PCDH11X: variants seen among roughly 807,000 people sequenced by gnomAD.
PCDH11X encodes the protein protocadherin-11 X-linked.
PCDH11X carries 18 observed loss-of-function variants against 53.3 expected under a neutral mutation model. That is an observed-to-expected ratio of 0.34 (90% confidence interval 0.23 to 0.50). PCDH11X has a LOEUF of 0.50. PCDH11X is among the 20% of genes least tolerant of loss of function. The pLI is 0.98. For synonymous variants in PCDH11X, 279 were observed against 393.3 expected (o/e 0.71, Z 3.44); for missense variants, 570 against 1,032.4 (o/e 0.55, Z 6.14).
At chrX:91,846,632 GAAAA>G (rs1937685922) in intron 5 of PCDH11X, among the ~76,000 whole-genome samples, 1 of 108,684 alleles carries the variant, frequency 9.2e-6, no homozygotes, top group Admixed American at 9.8e-5. Flanking sequence ...AAAAAAAAAA[GAAAA>G]AAGTTATTTT....
chrX:92,202,325 A>AT (rs2066404383), intron 7 of PCDH11X, among the ~76,000 whole-genome samples: 1 of 110,718 alleles, frequency 9.0e-6, no homozygotes, highest in Admixed American at 9.6e-5. Flanking sequence ...AAATTCTACC[A>AT]TTTTGCCTCT....
At chrX:92,416,889 T>C (rs1486133660) in intron 9 of PCDH11X, among the ~76,000 whole-genome samples, 4 of 111,941 alleles carry the variant, frequency 3.6e-5, no homozygotes, top group African/African-American at 1.3e-4. Context: ...TTGTACGTTA[T>C]TTATTGTGTT....
Position 92,582,812 on chromosome X carries a change from G to A in PCDH11X, c.3368-35452G>A, listed in dbSNP as rs777743397. Among the ~76,000 whole-genome samples, 940 of 109,688 alleles carry A rather than the reference G, an allele frequency of 8.6e-3. 12 individuals carry two copies. The highest frequency in any genetic ancestry group is 0.03 in the African/African-American group (894 of 30,181). ...TACCCTGCAAAGCCACAGGGGTGGA[G>A]CTGACCAAGATTATGGGAACTCACC... On this transcript the variant is annotated intron_variant, in intron 10 of 10. Transcript: ENST00000682573.
At chrX:91,938,948 C>T (rs2061477759) in intron 6 of PCDH11X, among the ~76,000 whole-genome samples, 1 of 111,216 alleles carries the variant, frequency 9.0e-6, no homozygotes, top group Non-Finnish European at 1.9e-5. Context: ...GAAGCCAACA[C>T]AGTGAAATTC....
At chrX:92,324,663 A>G (rs1483704760) in intron 8 of PCDH11X, among the ~76,000 whole-genome samples, 59 of 97,978 alleles carry the variant, frequency 6.0e-4, no homozygotes, top group African/African-American at 2.1e-3. Context: ...CATCATTAAG[A>G]TACTGCAATT....
At chrX:92,221,872 T>C (rs761078092) in intron 7 of PCDH11X, among the ~76,000 whole-genome samples, 12 of 110,790 alleles carry the variant, frequency 1.1e-4, no homozygotes, top group African/African-American at 3.9e-4. Flanking sequence ...GTTTTGCTCT[T>C]GTTGCCCAGG....
chrX:92,273,201 G>A (rs1304808460), intron 8 of PCDH11X, among the ~76,000 whole-genome samples: 1 of 110,537 alleles, frequency 9.0e-6, no homozygotes, highest in African/African-American at 3.3e-5. Flanking sequence ...AAGGGAGATA[G>A]GGGTGGGGCT....
chrX:91,905,912 A>G (rs1054093014), intron 6 of PCDH11X, among the ~76,000 whole-genome samples: 50 of 111,762 alleles, frequency 4.5e-4, no homozygotes, highest in Non-Finnish European at 8.1e-4. Context: ...TTCTATGTAG[A>G]TTAAACAGGT....
At chrX:92,311,054 A>G (rs1326191766) in intron 8 of PCDH11X, among the ~76,000 whole-genome samples, 1 of 111,961 alleles carries the variant, frequency 8.9e-6, no homozygotes, top group Non-Finnish European at 1.9e-5. Flanking sequence ...TTTCCAGTTT[A>G]TCTAATTTCT....
intron 9 of PCDH11X, among the ~76,000 whole-genome samples, chrX:92,424,943 A>G (rs1681415384): frequency 1.0e-5 from 1 of 97,537 alleles, no homozygotes; most frequent in South Asian, 4.1e-4. Flanking sequence ...TATGTTTATG[A>G]GCACAGAGGA....
chrX:92,557,126 C>T (rs1240763631), intron 10 of PCDH11X, among the ~76,000 whole-genome samples: 1 of 106,951 alleles, frequency 9.4e-6, no homozygotes, highest in African/African-American at 3.4e-5. Flanking sequence ...ATTTTTCCTT[C>T]TAGGCCTCCA....
At chrX:92,472,262 C>T (rs1250877230) in intron 10 of PCDH11X, among the ~76,000 whole-genome samples, 1 of 106,951 alleles carries the variant, frequency 9.4e-6, no homozygotes, top group African/African-American at 3.4e-5. Flanking sequence ...TTTAATCCAT[C>T]TTGAGTTTAT....
At chrX:91,852,299 G>A (rs1454392668) in intron 5 of PCDH11X, among the ~76,000 whole-genome samples, 1 of 110,451 alleles carries the variant, frequency 9.1e-6, no homozygotes, top group Admixed American at 9.7e-5. Flanking sequence ...ACAGGCATGA[G>A]CTACCATGCC....
chrX:92,115,193 C>T (rs1217751657), intron 6 of PCDH11X, among the ~76,000 whole-genome samples: 5 of 110,574 alleles, frequency 4.5e-5, no homozygotes, highest in African/African-American at 1.6e-4. Flanking sequence ...CATTGATCTC[C>T]AATACCAATT....
intron 6 of PCDH11X, among the ~76,000 whole-genome samples, chrX:92,079,994 G>A (rs1422431713): frequency 9.0e-6 from 1 of 111,654 alleles, no homozygotes; most frequent in Non-Finnish European, 1.9e-5. Flanking sequence ...TTGCTAGTCA[G>A]TTGACCTTAA....
rs200691878 is a variant in PCDH11X, at chrX:92,057,784, A to G, written c.3034-143591A>G. On this transcript the variant is annotated intron_variant, in intron 6 of 10. Transcript: ENST00000682573. ...GAAAAGATTTATTGCTTATCTTTATAGACAAGTAACTTGAGTATACAGTCA... is the reference window on the plus strand; with the variant it reads ...GAAAAGATTTATTGCTTATCTTTATGGACAAGTAACTTGAGTATACAGTCA... 3.9e-5 allele frequency among the ~76,000 whole-genome samples: 4 copies of G among 103,475 alleles called. No individual in the cohort carries two copies. In the East Asian group the frequency reaches 1.2e-3, roughly 32 times the overall value. 89.9% of individuals were successfully genotyped at this position (103,475 alleles called of 115,157 possible). A position where few individuals can be genotyped will look rare whatever the true frequency, so the allele number is the denominator to read the frequency against.
chrX:91,866,626 C>T (rs1036617854), intron 5 of PCDH11X, among the ~76,000 whole-genome samples: 52 of 110,409 alleles, frequency 4.7e-4, no homozygotes, highest in Non-Finnish European at 8.1e-4. Context: ...GAAGTGGCTT[C>T]GGTGATTCAA....
chrX:92,594,191 G>C (rs1473192088), intron 10 of PCDH11X, among the ~76,000 whole-genome samples: 2 of 102,605 alleles, frequency 1.9e-5, no homozygotes, highest in Non-Finnish European at 4.0e-5. Flanking sequence ...CTAAATAAAT[G>C]ACTTACAGTT....
chrX:92,450,929 G>C (rs1047920602), intron 9 of PCDH11X, among the ~76,000 whole-genome samples: 2 of 111,546 alleles, frequency 1.8e-5, no homozygotes, highest in Non-Finnish European at 3.8e-5. Context: ...CATAAAGCTT[G>C]TTGACTTCAT....
Sources: gnomAD v4.1 joint callset for allele counts (sites outside exome capture counted in the v4.1 genomes callset) on GRCh38, gnomAD v4.1.1 for gene constraint, MANE v1.5 for transcripts, NCBI Gene and HGNC (gene_info 2026-07-23, HGNC 2026-07-21) for gene names.